SLC22A2: variants seen among roughly 807,000 people sequenced by gnomAD.
SLC22A2 encodes the protein organic cation transporter 2.
Under a neutral mutation model 60.5 loss-of-function variants are expected in SLC22A2, and 46 were observed. The observed-to-expected ratio is 0.76, with a 90% CI of 0.60 to 0.97. The LOEUF is 0.97. SLC22A2 is among the 50% of genes least tolerant of loss of function. The pLI is 0.00. For missense variants in SLC22A2, 701 were observed against 706.6 expected, an observed-to-expected ratio of 0.99 and a Z score of 0.09; for synonymous variants, 303 against 267.0, an observed-to-expected ratio of 1.13 and a Z score of -1.31.
chr6:160,241,423 G>T (rs767023826), intron 9 of SLC22A2, 51 bp downstream of exon 9: 7 of 1,148,476 alleles, frequency 6.1e-6, no homozygotes, highest in African/African-American at 4.6e-5. Flanking sequence ...AGAAGTGAAG[G>T]TCTCTAGAAA....
Position 160,242,416 on chromosome 6 carries a change from G to A in SLC22A2, c.1280-14C>T. Reference sequence around the variant, plus strand: ...GCCATTGTAGATCTAAGAGGGAAAAGAACAGTACTTATCCGTACACAGATG... The same window carrying A: ...GCCATTGTAGATCTAAGAGGGAAAAAAACAGTACTTATCCGTACACAGATG... On this transcript the variant is annotated splice_polypyrimidine_tract_variant and intron_variant, in intron 7 of 10. Transcript: ENST00000366953. 7.4e-7 allele frequency: 1 copy of A among 1,348,074 alleles called. No individual in the cohort carries two copies. The highest frequency in any genetic ancestry group is 2.3e-5 in the East Asian group (1 of 43,670). The allele number at this position is 1,348,074 out of a possible 1,614,324, so 83.5% of individuals were successfully genotyped here. A position where few individuals can be genotyped will look rare whatever the true frequency, so the allele number is the denominator to read the frequency against.
In SLC22A2 at chr6:160,241,877, T is replaced by TTA. The variant is rs10532482; in HGVS notation, c.1389-293_1389-292dup. Among the ~76,000 whole-genome samples, 911 of 150,526 alleles carry TTA rather than the reference T, an allele frequency of 6.1e-3. 13 individuals carry two copies. The highest frequency in any genetic ancestry group is 0.021 in the African/African-American group (837 of 40,828). On this transcript the variant is annotated intron_variant, in intron 8 of 10. Transcript: ENST00000366953. Reference sequence around the variant, plus strand: ...CACGTTATTTTCAATGCACAATATTTTATATATATATATATATACATAATT... The same window carrying TTA: ...CACGTTATTTTCAATGCACAATATTTTATATATATATATATATATACATAATT...
intron 7 of SLC22A2, among the ~76,000 whole-genome samples, 180 bp downstream of exon 7, chr6:160,243,392 T>C (rs1783042477): frequency 6.6e-6 from 1 of 151,962 alleles, no homozygotes; most frequent in South Asian, 2.1e-4. Context: ...TTGGGTACAA[T>C]TTTTCCTAAA....
chr6:160,232,795 C>T (rs925408315), intron 9 of SLC22A2, among the ~76,000 whole-genome samples: 5 of 151,806 alleles, frequency 3.3e-5, no homozygotes, highest in Non-Finnish European at 7.4e-5. Flanking sequence ...AACTTCTATC[C>T]CTCACGGCAG....
At chr6:160,218,322 C>A (rs1322829580) in intron 10 of SLC22A2, 1 of 354,382 alleles carries the variant, frequency 2.8e-6, no homozygotes, top group Non-Finnish European at 5.5e-6. Context: ...GCAGAAACAA[C>A]AACAGTAGAA....
chr6:160,243,605 C>A lies in SLC22A2; in HGVS notation c.1246G>T (p.Ala416Ser), dbSNP rs779443674. ...PWAASNMVAGAACLASVFIPG... is the reference protein window; with the variant it reads ...PWAASNMVAGSACLASVFIPG... The stretch of plus-strand genomic sequence containing the variant: ...ATAAAAACTGAGGCCAGACAGGCTG[C>A]CCCTGCAACCATATTTGATGCAGCC... The change falls in exon 7 of 11, where the codon GCA becomes TCA. Residue 416 changes from alanine (A) to serine (S), a missense_variant. By Grantham distance (99) the Ala-to-Ser change is moderately conservative. Coordinates refer to ENST00000366953, the MANE Select transcript of SLC22A2 (RefSeq NM_003058.4). The A allele has an allele frequency of 2.5e-6, 4 of 1,613,970 alleles. No individual in the cohort carries two copies. In the East Asian group the frequency reaches 8.9e-5, roughly 36 times the overall value.
At chr6:160,222,189 G>A (rs953199980) in intron 10 of SLC22A2, among the ~76,000 whole-genome samples, 1 of 152,204 alleles carries the variant, frequency 6.6e-6, no homozygotes, top group African/African-American at 2.4e-5. Context: ...GGTTATATTT[G>A]TAACTAGGAC....
chr6:160,254,248 A>T (rs764970475), intron 2 of SLC22A2, among the ~76,000 whole-genome samples: 9 of 152,196 alleles, frequency 5.9e-5, no homozygotes, highest in Non-Finnish European at 1.2e-4. Context: ...ACTGCACTCT[A>T]GCCTGGGCGA....
intron 10 of SLC22A2, among the ~76,000 whole-genome samples, 176 bp downstream of exon 10, chr6:160,224,529 G>C (rs78693327): frequency 3.2e-4 from 48 of 152,174 alleles, no homozygotes; most frequent in African/African-American, 1.1e-3. Context: ...AGAAATTCTC[G>C]TATAATGTCT....
intron 9 of SLC22A2, among the ~76,000 whole-genome samples, chr6:160,228,744 G>T (rs1165027110): frequency 6.6e-6 from 1 of 151,978 alleles, no homozygotes; most frequent in South Asian, 2.1e-4. Context: ...AATCACAAAA[G>T]AAGTGAAAAT....
intron 2 of SLC22A2, among the ~76,000 whole-genome samples, chr6:160,256,215 C>T (rs540338902): frequency 1.8e-4 from 27 of 151,848 alleles, no homozygotes; most frequent in South Asian, 4.2e-4. Flanking sequence ...CCAGCATATG[C>T]GAGACAAGCA....
At chr6:160,250,827 G>A (rs538748220) in intron 2 of SLC22A2, 125 bp from the exon 3 acceptor site, 23 of 947,798 alleles carry the variant, frequency 2.4e-5, no homozygotes, top group African/African-American at 9.8e-5. Flanking sequence ...TATGAATCCA[G>A]GAGGCACAGA....
chr6:160,224,230 T>C (rs1782687524), intron 10 of SLC22A2, among the ~76,000 whole-genome samples: 1 of 152,184 alleles, frequency 6.6e-6, no homozygotes, highest in Non-Finnish European at 1.5e-5. Flanking sequence ...TTGAGCATAT[T>C]TTCATATATT....
Position 160,256,609 on chromosome 6 carries a change from C to T in SLC22A2, c.518+5G>A. On this transcript the variant is annotated splice_donor_5th_base_variant and intron_variant, in intron 2 of 10. Transcript: ENST00000366953. ...TTAAATTCCACCACAGGTGATTCAA[C>T]CTACCTGTCTGCTATGTAGCCGATA... 6.3e-7 allele frequency: 1 copy of T among 1,591,168 alleles called. No individual in the cohort carries two copies. The highest frequency in any genetic ancestry group is 1.1e-5 in the South Asian group (1 of 90,564).
intron 10 of SLC22A2, among the ~76,000 whole-genome samples, chr6:160,218,907 CAAT>C (rs1782590536): frequency 4.1e-4 from 7 of 17,226 alleles, no homozygotes; most frequent in African/African-American, 6.5e-4. Context: ...GAAGTCGCAG[CAAT>C]AACAGCAGCA....
intron 2 of SLC22A2, among the ~76,000 whole-genome samples, chr6:160,256,162 G>A (rs1014861501): frequency 2.0e-5 from 3 of 151,984 alleles, no homozygotes; most frequent in Non-Finnish European, 1.5e-5. Flanking sequence ...GCAATCCCAC[G>A]GGTATTAGGG....
At chr6:160,220,189 A>G (rs1461030145) in intron 10 of SLC22A2, among the ~76,000 whole-genome samples, 1 of 152,228 alleles carries the variant, frequency 6.6e-6, no homozygotes, top group Non-Finnish European at 1.5e-5. Flanking sequence ...GTAATATTCT[A>G]AATCCTTTGT....
chr6:160,250,593 G>A lies in SLC22A2; in HGVS notation c.628C>T (p.Gln210Ter). The change falls in exon 3 of 11, where the codon CAA becomes TAA. Residue 210 changes from glutamine (Q) to a stop codon, truncating the protein, a stop_gained. Transcript: ENST00000366953. LOFTEE classifies it high-confidence loss of function. Reference protein sequence around the residue: ...YTWMLIFRLIQGLVSKAGWLI... With the variant: ...YTWMLIFRLI ...CAGCCTGCTTTGCTGACCAGTCCTT[G>A]GATTAAGCGAAAAATTAACATCCAC... is the stretch of plus-strand genomic sequence containing the variant. 5.0e-6 allele frequency: 8 copies of A among 1,613,952 alleles called. No individual in the cohort carries two copies. Among genetic ancestry groups the A allele is most frequent in the Non-Finnish European group, 5.9e-6 (7 of 1,179,952 alleles).
In SLC22A2 at chr6:160,230,406, G is replaced by A. The variant is rs556971246; in HGVS notation, c.1502-5602C>T. On this transcript the variant is annotated intron_variant, in intron 9 of 10. Transcript: ENST00000366953. Reference sequence around the variant, plus strand: ...TTCATCAAATATAAAAACCCAGCCCGGTCCATGGCCCTTTTGGCAGCAACC... The same window carrying A: ...TTCATCAAATATAAAAACCCAGCCCAGTCCATGGCCCTTTTGGCAGCAACC... Among the ~76,000 whole-genome samples, 104 of 151,968 alleles carry A rather than the reference G, an allele frequency of 6.8e-4. 1 individual carries two copies. The highest frequency in any genetic ancestry group is 2.4e-3 in the African/African-American group (97 of 41,264).
Sources: gnomAD v4.1 joint callset for allele counts (sites outside exome capture counted in the v4.1 genomes callset) on GRCh38, gnomAD v4.1.1 for gene constraint, MANE v1.5 for transcripts, NCBI Gene and HGNC (gene_info 2026-07-23, HGNC 2026-07-21) for gene names.